The following FRMD6 variants were observed in gnomAD, a reference collection of about 807,000 sequenced individuals.
The protein encoded by FRMD6 is FERM domain-containing protein 6.
A neutral mutation model predicts 73.2 loss-of-function variants in FRMD6; 37 were observed. The observed-to-expected ratio is 0.51, with a 90% confidence interval of 0.39 to 0.66. The LOEUF (loss-of-function observed/expected upper bound fraction) is 0.66. FRMD6 is among the 30% of genes least tolerant of loss of function. The pLI, the probability that FRMD6 is intolerant of heterozygous loss-of-function variation, is 0.00. For missense variants in FRMD6, 714 were observed against 780.5 expected, an observed-to-expected ratio of 0.91 and a Z score of 1.02; for synonymous variants, 273 against 282.2, an observed-to-expected ratio of 0.97 and a Z score of 0.33.
intron 2 of FRMD6, 60 bp downstream of exon 2, chr14:51,689,995 A>T: frequency 9.5e-7 from 1 of 1,054,642 alleles, no homozygotes; most frequent in South Asian, 1.3e-5. Context: ...GGCCACATTC[A>T]ACTTATGACT....
chr14:51,492,189 C>T (rs1883045577), intron 1 of FRMD6, among the ~76,000 whole-genome samples: 1 of 152,002 alleles, frequency 6.6e-6, no homozygotes, highest in South Asian at 2.1e-4. Context: ...TAATATATTC[C>T]CCAGAACCTA....
chr14:51,690,536 C>T (rs150494131), intron 2 of FRMD6, among the ~76,000 whole-genome samples: 128 of 152,274 alleles, frequency 8.4e-4, no homozygotes, highest in African/African-American at 2.9e-3. Flanking sequence ...CTGGCACGCA[C>T]CACCACGCCC....
intron 1 of FRMD6, among the ~76,000 whole-genome samples, chr14:51,676,720 TGAAA>T (rs2140276114): frequency 6.6e-6 from 1 of 152,300 alleles, no homozygotes; most frequent in African/African-American, 2.4e-5. Flanking sequence ...ATAATAGTGA[TGAAA>T]GAACACCATT....
chr14:51,509,179 G>C (rs1276569756), intron 1 of FRMD6, among the ~76,000 whole-genome samples: 1 of 152,142 alleles, frequency 6.6e-6, no homozygotes, highest in Admixed American at 6.5e-5. Context: ...GTCCCCACTT[G>C]GTTACATTTC....
the FRMD6 span, among the ~76,000 whole-genome samples, chr14:51,396,515 C>G: frequency 6.6e-6 from 1 of 152,132 alleles, no homozygotes; most frequent in Non-Finnish European, 1.5e-5. Context: ...GCCTGTGCTG[C>G]CACGGAGCTG....
upstream of FRMD6, among the ~76,000 whole-genome samples, chr14:51,485,026 T>C (rs1882736009): frequency 6.6e-6 from 1 of 152,212 alleles, no homozygotes; most frequent in South Asian, 2.1e-4. Flanking sequence ...AGGATTAGTT[T>C]ATACCCTGCG....
chr14:51,583,021 G>A, intron 2 of FRMD6, among the ~76,000 whole-genome samples: 1 of 152,016 alleles, frequency 6.6e-6, no homozygotes, highest in East Asian at 1.9e-4. Context: ...CAACATGGTG[G>A]CACTCATATG....
At chr14:51,472,140 A>T in the FRMD6 span, among the ~76,000 whole-genome samples, 1 of 152,168 alleles carries the variant, frequency 6.6e-6, no homozygotes, top group Non-Finnish European at 1.5e-5. Flanking sequence ...CCCTAAGTGA[A>T]GGACACAGTT....
At chr14:51,478,941 G>A in the FRMD6 span, among the ~76,000 whole-genome samples, 7 of 152,054 alleles carry the variant, frequency 4.6e-5, no homozygotes, top group Non-Finnish European at 1.0e-4. Flanking sequence ...GAAGAAATTC[G>A]GAGAAAACCT....
At chr14:51,544,959 C>T (rs1230011336) in intron 1 of FRMD6, among the ~76,000 whole-genome samples, 1 of 151,946 alleles carries the variant, frequency 6.6e-6, no homozygotes, top group Non-Finnish European at 1.5e-5. Context: ...TCAAAACCCA[C>T]CTATAAATTT....
the FRMD6 span, among the ~76,000 whole-genome samples, chr14:51,401,309 A>G: frequency 6.6e-6 from 1 of 152,308 alleles, no homozygotes; most frequent in African/African-American, 2.4e-5. Context: ...TCATCCAGTA[A>G]TTCAACCCAT....
intron 2 of FRMD6, among the ~76,000 whole-genome samples, chr14:51,638,250 C>T (rs1891658837): frequency 6.6e-6 from 1 of 152,118 alleles, no homozygotes; most frequent in African/African-American, 2.4e-5. Flanking sequence ...CCACTGTATT[C>T]CAGCCTGGAT....
the FRMD6 span, among the ~76,000 whole-genome samples, chr14:51,404,497 A>AT: frequency 2.0e-5 from 3 of 152,022 alleles, no homozygotes; most frequent in South Asian, 2.1e-4. Context: ...ATATTCTTCT[A>AT]TTTTTTTCTC....
At chr14:51,670,143 A>G (rs1893895348) in intron 1 of FRMD6, among the ~76,000 whole-genome samples, 1 of 152,176 alleles carries the variant, frequency 6.6e-6, no homozygotes, top group Admixed American at 6.5e-5. Context: ...GTGCATGATC[A>G]TGGCTCACTG....
chr14:51,467,359 C>A, the FRMD6 span, among the ~76,000 whole-genome samples: 2 of 152,244 alleles, frequency 1.3e-5, no homozygotes, highest in African/African-American at 4.8e-5. Context: ...TCTCCTATGT[C>A]TACTTCTTTC....
intron 2 of FRMD6, among the ~76,000 whole-genome samples, chr14:51,646,859 G>A (rs571166234): frequency 2.6e-5 from 4 of 151,702 alleles, no homozygotes; most frequent in East Asian, 1.9e-4. Flanking sequence ...CTGCCTTGCC[G>A]CTATGCCTTT....
intron 1 of FRMD6, among the ~76,000 whole-genome samples, chr14:51,561,523 C>T (rs981727604): frequency 5.3e-5 from 8 of 152,156 alleles, no homozygotes; most frequent in Admixed American, 3.3e-4. Flanking sequence ...CTGTGAATCA[C>T]GCATTTAAGT....
intron 1 of FRMD6, among the ~76,000 whole-genome samples, chr14:51,496,381 C>T (rs74835403): frequency 0.014 from 2,174 of 152,284 alleles, 25 homozygotes; most frequent in Non-Finnish European, 0.023. Flanking sequence ...AGTTAAGTAG[C>T]TCTCATGCTG....
At chr14:51,453,263 T>C in the FRMD6 span, among the ~76,000 whole-genome samples, 4 of 151,972 alleles carry the variant, frequency 2.6e-5, no homozygotes, top group Non-Finnish European at 5.9e-5. Context: ...GAGGAGGATG[T>C]TGGCTTTGAG....
Sources: allele counts gnomAD v4.1 joint callset (sites outside exome capture counted in the v4.1 genomes callset), GRCh38; gene constraint gnomAD v4.1.1; transcripts MANE v1.5; gene names NCBI Gene and HGNC (gene_info 2026-07-23, HGNC 2026-07-21).